BST1: variants seen among roughly 807,000 people sequenced by gnomAD.
BST1 encodes the protein ADP-ribosyl cyclase/cyclic ADP-ribose hydrolase 2.
Under a neutral mutation model 40.6 loss-of-function variants are expected in BST1, and 49 were observed. The observed-to-expected ratio is 1.21, with a 90% CI of 0.96 to 1.53. The LOEUF (loss-of-function observed/expected upper bound fraction) is 1.53. Among genes scored for constraint, BST1 ranks in the 40% most tolerant of loss-of-function variants. The pLI, the probability that BST1 is intolerant of heterozygous loss-of-function variation, is 0.00. For synonymous variants in BST1, 157 were observed against 159.3 expected (o/e 0.99, Z 0.11); for missense variants, 423 against 395.9 (o/e 1.07, Z -0.58).
At chr4:15,729,660 T>A (rs1200103944) in intron 8 of BST1, among the ~76,000 whole-genome samples, 2 of 152,160 alleles carry the variant, frequency 1.3e-5, no homozygotes, top group African/African-American at 4.8e-5. Context: ...CAAGAATCAA[T>A]TTTAAAAATC....
At chr4:15,707,855 C>CTCTCTTTATATA (rs544633858) in intron 3 of BST1, among the ~76,000 whole-genome samples, 1 of 128,630 alleles carries the variant, frequency 7.8e-6, no homozygotes, top group African/African-American at 2.9e-5. Context: ...CTCTCTCTCT[C>CTCTCTTTATATA]TATATATATA....
In BST1 at chr4:15,715,371, C is replaced by T; in HGVS notation, c.611+10C>T. ...CCTATCCCATCAAAGGGTAAGAACA[C>T]CAGCACATTCAAACACAAGAGAGAA... On this transcript the variant is annotated intron_variant, in intron 5 of 8. Transcript: ENST00000265016. 6.2e-7 allele frequency: 1 copy of T among 1,612,944 alleles called. No individual in the cohort carries two copies. The highest frequency in any genetic ancestry group is 1.1e-5 in the South Asian group (1 of 91,016).
chr4:15,719,639 T>A (rs1187229354), intron 7 of BST1, among the ~76,000 whole-genome samples: 1 of 152,206 alleles, frequency 6.6e-6, no homozygotes, highest in Non-Finnish European at 1.5e-5. Context: ...GGGGCTGGAA[T>A]CCAACATTGC....
the BST1 span, among the ~76,000 whole-genome samples, chr4:15,771,208 C>T: frequency 6.6e-6 from 1 of 152,126 alleles, no homozygotes; most frequent in Non-Finnish European, 1.5e-5. Context: ...TAGGTGTGTA[C>T]ATTACCAATT....
exon 7 of BST1, chr4:15,738,182 G>A (rs1030634369): frequency 1.6e-5 from 3 of 185,706 alleles, no homozygotes; most frequent in African/African-American, 7.0e-5. Context: ...CACTCTGGTG[G>A]GGATGCTGCC....
chr4:15,736,093 G>T (rs1304165848), downstream of BST1: 5 of 1,288,864 alleles, frequency 3.9e-6, no homozygotes. Flanking sequence ...GCGACCCAGA[G>T]CAGAACCATA....
At chr4:15,742,427 C>T (rs1721769736), downstream of BST1, among the ~76,000 whole-genome samples, 1 of 152,184 alleles carries the variant, frequency 6.6e-6, no homozygotes, top group African/African-American at 2.4e-5. Flanking sequence ...TTTGGCTCCC[C>T]TTCCACTTCC....
At chr4:15,753,399 G>T in the BST1 span, among the ~76,000 whole-genome samples, 1 of 152,204 alleles carries the variant, frequency 6.6e-6, no homozygotes. Context: ...CTGTAGCAGA[G>T]ATTTTTTATG....
chr4:15,772,999 T>G, the BST1 span, among the ~76,000 whole-genome samples: 1 of 152,016 alleles, frequency 6.6e-6, no homozygotes, highest in Non-Finnish European at 1.5e-5. Context: ...GTTGTAAAAG[T>G]TATATCTTTG....
At chr4:15,752,418 C>T in the BST1 span, among the ~76,000 whole-genome samples, 3 of 149,676 alleles carry the variant, frequency 2.0e-5, no homozygotes, top group Non-Finnish European at 4.4e-5. Context: ...GACAGAGTTT[C>T]GCTCTTATTG....
At chr4:15,720,612 A>AG (rs1471339719) in intron 7 of BST1, among the ~76,000 whole-genome samples, 4 of 151,706 alleles carry the variant, frequency 2.6e-5, no homozygotes, top group Non-Finnish European at 5.9e-5. Flanking sequence ...AAAAAAAAAA[A>AG]AAAATCAGTT....
chr4:15,732,316 A>C lies in BST1; in HGVS notation c.*471A>C. ...TATTTGGTATAAAGATGTTCAGTTA[A>C]TGGTTCCTTTTTGTTTTGAGAGACA... On this transcript the variant is annotated 3_prime_UTR_variant, in exon 9 of 9. Transcript: ENST00000265016. 5.2e-6 allele frequency: 1 copy of C among 193,618 alleles called. No homozygotes were observed. The highest frequency in any genetic ancestry group is 9.4e-6 in the Non-Finnish European group (1 of 105,866). 12.0% of individuals were successfully genotyped at this position (193,618 alleles called of 1,614,324 possible). A position where few individuals can be genotyped will look rare whatever the true frequency, so the allele number is the denominator to read the frequency against.
intron 6 of BST1, among the ~76,000 whole-genome samples, chr4:15,716,725 G>GA (rs974026229): frequency 6.6e-6 from 1 of 152,156 alleles, no homozygotes; most frequent in Non-Finnish European, 1.5e-5. Flanking sequence ...TTGCATGCAT[G>GA]AAAAACGTGT....
chr4:15,771,829 A>G, the BST1 span, among the ~76,000 whole-genome samples: 1 of 152,266 alleles, frequency 6.6e-6, no homozygotes, highest in Non-Finnish European at 1.5e-5. Flanking sequence ...GCTCATTTAT[A>G]CAGGTCTAGT....
intron 8 of BST1, 54 bp from the exon 9 acceptor site, chr4:15,731,686 G>A (rs993748267): frequency 3.3e-5 from 51 of 1,557,216 alleles, no homozygotes; most frequent in Non-Finnish European, 4.1e-5. Context: ...ATTTTTGAGC[G>A]TAGATTCCAT....
the BST1 span, among the ~76,000 whole-genome samples, chr4:15,745,503 A>T: frequency 2.2e-4 from 33 of 152,160 alleles, no homozygotes; most frequent in Admixed American, 8.5e-4. Context: ...CTTTAAAATC[A>T]TGGTTTCTTC....
chr4:15,732,056 T>C lies in BST1; in HGVS notation c.*211T>C. 1 of 1,261,648 alleles carries C rather than the reference T, an allele frequency of 7.9e-7. No individual in the cohort carries two copies. The highest frequency in any genetic ancestry group is 2.7e-5 in the South Asian group (1 of 37,114). 78.2% of individuals were successfully genotyped at this position (1,261,648 alleles called of 1,614,324 possible). A position where few individuals can be genotyped will look rare whatever the true frequency, so the allele number is the denominator to read the frequency against. The stretch of plus-strand genomic sequence containing the variant: ...ATTTAGCAGGTTAAAAAATGCTGCA[T>C]TAGAATTAAAGCAAGTTATTTTCTT... On this transcript the variant is annotated 3_prime_UTR_variant, in exon 9 of 9. Transcript: ENST00000265016.
intron 3 of BST1, among the ~76,000 whole-genome samples, chr4:15,710,347 G>C (rs779920274): frequency 2.0e-5 from 3 of 152,028 alleles, no homozygotes; most frequent in Non-Finnish European, 4.4e-5. Flanking sequence ...CATACAATGT[G>C]ATGTTTTATA....
Position 15,715,205 on chromosome 4 carries a change from A to G in BST1, c.535-80A>G. Reference sequence around the variant, plus strand: ...ATATCCTTGCCATTATTTAGAACTGACAATTTGTAAAAAATGCACATTTCA... The same window carrying G: ...ATATCCTTGCCATTATTTAGAACTGGCAATTTGTAAAAAATGCACATTTCA... On this transcript the variant is annotated intron_variant, in intron 4 of 8. Transcript: ENST00000265016. The G allele has an allele frequency of 5.4e-6, 7 of 1,298,234 alleles. No homozygotes were observed. The South Asian group carries it at 8.7e-5, about 16-fold the overall frequency. 80.4% of individuals were successfully genotyped at this position (1,298,234 alleles called of 1,614,324 possible). A position where few individuals can be genotyped will look rare whatever the true frequency, so the allele number is the denominator to read the frequency against.
Sources: allele counts gnomAD v4.1 joint callset (sites outside exome capture counted in the v4.1 genomes callset), GRCh38; gene constraint gnomAD v4.1.1; transcripts MANE v1.5; gene names NCBI Gene and HGNC (gene_info 2026-07-23, HGNC 2026-07-21).